The following SCHIP1 variants were observed in gnomAD, a reference collection of about 807,000 sequenced individuals.
The protein encoded by SCHIP1 is schwannomin-interacting protein 1.
In SCHIP1, 8 loss-of-function variants were observed where a neutral mutation model predicts 29.7. That is an observed-to-expected ratio of 0.27 (90% CI 0.16 to 0.49). The LOEUF is 0.49. Ranked by LOEUF, SCHIP1 falls within the 20% of genes least tolerant of loss-of-function variation. SCHIP1 has a pLI of 0.99. For synonymous variants in SCHIP1, 76 were observed against 94.9 expected, an observed-to-expected ratio of 0.80 and a Z score of 1.16; for missense variants, 193 against 294.6, an observed-to-expected ratio of 0.66 and a Z score of 2.52.
At chr3:159,766,505 T>G in the SCHIP1 span, among the ~76,000 whole-genome samples, 3 of 152,190 alleles carry the variant, frequency 2.0e-5, no homozygotes, top group Non-Finnish European at 2.9e-5. Context: ...AATATCCTTT[T>G]CCCACTTTGT....
chr3:159,468,775 A>ATTTT, the SCHIP1 span, among the ~76,000 whole-genome samples: 24 of 125,588 alleles, frequency 1.9e-4, no homozygotes, highest in African/African-American at 7.8e-4. Context: ...ATATATATAT[A>ATTTT]TATTTTTTTT....
At chr3:159,381,914 G>A in the SCHIP1 span, among the ~76,000 whole-genome samples, 3 of 152,092 alleles carry the variant, frequency 2.0e-5, no homozygotes, top group East Asian at 5.8e-4. Flanking sequence ...CTGGATTTCT[G>A]TAATATCCTT....
the SCHIP1 span, among the ~76,000 whole-genome samples, chr3:159,478,236 C>T: frequency 5.9e-5 from 9 of 152,046 alleles, no homozygotes; most frequent in Non-Finnish European, 1.0e-4. Flanking sequence ...AATCTTTAAA[C>T]TACTTTGAGT....
At chr3:159,816,652 A>G in the SCHIP1 span, among the ~76,000 whole-genome samples, 1 of 152,156 alleles carries the variant, frequency 6.6e-6, no homozygotes, top group Non-Finnish European at 1.5e-5. Flanking sequence ...TCATTCTCAA[A>G]CACTGTAATG....
the SCHIP1 span, among the ~76,000 whole-genome samples, chr3:159,525,661 G>A: frequency 4.6e-5 from 7 of 152,310 alleles, no homozygotes; most frequent in African/African-American, 1.7e-4. Flanking sequence ...TGGAGAGAAA[G>A]GCTGCATCAT....
chr3:159,650,197 G>T, the SCHIP1 span, among the ~76,000 whole-genome samples: 2 of 152,168 alleles, frequency 1.3e-5, no homozygotes, highest in African/African-American at 4.8e-5. Context: ...GAGAGAGATG[G>T]AGGAGAATGA....
the SCHIP1 span, among the ~76,000 whole-genome samples, chr3:159,681,379 A>G: frequency 6.6e-6 from 1 of 152,086 alleles, no homozygotes; most frequent in Non-Finnish European, 1.5e-5. Flanking sequence ...TAAAACTAAC[A>G]TCATCACAAG....
the SCHIP1 span, among the ~76,000 whole-genome samples, chr3:159,581,988 T>C: frequency 6.6e-6 from 1 of 152,196 alleles, no homozygotes; most frequent in South Asian, 2.1e-4. Flanking sequence ...GGAGAAATAA[T>C]TTTAGTATAT....
the SCHIP1 span, among the ~76,000 whole-genome samples, chr3:159,650,858 T>C: frequency 3.9e-5 from 6 of 152,296 alleles, no homozygotes; most frequent in African/African-American, 1.2e-4. Flanking sequence ...AAACATGTGG[T>C]ACTGTCTTCC....
chr3:159,381,045 G>T, the SCHIP1 span, among the ~76,000 whole-genome samples: 1 of 152,288 alleles, frequency 6.6e-6, no homozygotes, highest in East Asian at 1.9e-4. Context: ...ACTACCTCAT[G>T]AACTGCATTT....
At chr3:159,803,666 T>C in the SCHIP1 span, among the ~76,000 whole-genome samples, 4 of 152,032 alleles carry the variant, frequency 2.6e-5, 1 homozygote, top group African/African-American at 7.3e-5. Context: ...CATGTGGGGG[T>C]TGAATTTCAA....
At chr3:159,882,280 G>C (rs1716519554) in intron 2 of SCHIP1, among the ~76,000 whole-genome samples, 1 of 152,172 alleles carries the variant, frequency 6.6e-6, no homozygotes, top group Non-Finnish European at 1.5e-5. Flanking sequence ...GAATGTAAGT[G>C]AACATACTTT....
the SCHIP1 span, among the ~76,000 whole-genome samples, chr3:159,519,477 G>C: frequency 6.6e-6 from 1 of 152,060 alleles, no homozygotes; most frequent in Non-Finnish European, 1.5e-5. Context: ...ATGTCTAAAA[G>C]ATTCCAATGT....
At chr3:159,713,274 AAGAAAGAAAG>A in the SCHIP1 span, among the ~76,000 whole-genome samples, 1 of 151,654 alleles carries the variant, frequency 6.6e-6, no homozygotes, top group African/African-American at 2.4e-5. Flanking sequence ...GAAAGAAAGA[AAGAAAGAAAG>A]AAAAAAGAAA....
the SCHIP1 span, among the ~76,000 whole-genome samples, chr3:159,700,991 GA>G: frequency 1.3e-5 from 2 of 152,114 alleles, no homozygotes; most frequent in Non-Finnish European, 2.9e-5. Context: ...TAACCTCTAT[GA>G]GACTCAGTTT....
At chr3:159,804,641 T>TG in the SCHIP1 span, among the ~76,000 whole-genome samples, 1 of 152,236 alleles carries the variant, frequency 6.6e-6, no homozygotes, top group Non-Finnish European at 1.5e-5. Flanking sequence ...TTCCAAAGCT[T>TG]GCCTTTGTCC....
At chr3:159,712,303 T>A in the SCHIP1 span, among the ~76,000 whole-genome samples, 1,045 of 152,292 alleles carry the variant, frequency 6.9e-3, 7 homozygotes, top group African/African-American at 0.024. Context: ...AAAGTAAAAA[T>A]CCATTTTATT....
At chr3:159,296,337 G>T in the SCHIP1 span, among the ~76,000 whole-genome samples, 1 of 152,074 alleles carries the variant, frequency 6.6e-6, no homozygotes, top group African/African-American at 2.4e-5. Context: ...AATAAAAATT[G>T]CATATATTTA....
the SCHIP1 span, among the ~76,000 whole-genome samples, chr3:159,789,056 C>A: frequency 6.6e-6 from 1 of 152,036 alleles, no homozygotes; most frequent in African/African-American, 2.4e-5. Flanking sequence ...CACTTCTAGT[C>A]CCAAGCATTT....
Sources: gnomAD v4.1 joint callset for allele counts (sites outside exome capture counted in the v4.1 genomes callset) on GRCh38, gnomAD v4.1.1 for gene constraint, MANE v1.5 for transcripts, NCBI Gene and HGNC (gene_info 2026-07-23, HGNC 2026-07-21) for gene names.